Variants in CCDC6 observed in about 807,000 individuals in gnomAD.
CCDC6 encodes the protein coiled-coil domain-containing protein 6.
CCDC6 carries 20 observed loss-of-function variants against 56.6 expected under a neutral mutation model. The observed-to-expected ratio is 0.35, with a 90% CI of 0.25 to 0.51. CCDC6 has a LOEUF of 0.51. CCDC6 is among the 20% of genes least tolerant of loss of function. The pLI is 0.95. For synonymous variants in CCDC6, 241 were observed against 234.4 expected (o/e 1.03, Z -0.26); for missense variants, 367 against 601.1 (o/e 0.61, Z 4.07).
At chr10:59,817,892 C>T (rs996134670) in intron 3 of CCDC6, among the ~76,000 whole-genome samples, 1 of 152,112 alleles carries the variant, frequency 6.6e-6, no homozygotes, top group Non-Finnish European at 1.5e-5. Context: ...TGTCTTCAGT[C>T]GGGGCTAGTT....
chr10:59,820,152 G>T (rs927457966), intron 3 of CCDC6, among the ~76,000 whole-genome samples: 5 of 152,238 alleles, frequency 3.3e-5, no homozygotes, highest in African/African-American at 1.2e-4. Flanking sequence ...CAGAAAGGGA[G>T]TGGGCCAGCC....
chr10:59,878,722 C>T (rs1361387781), intron 1 of CCDC6, among the ~76,000 whole-genome samples: 1 of 152,140 alleles, frequency 6.6e-6, no homozygotes, highest in East Asian at 1.9e-4. Context: ...TTCAGCTTGC[C>T]AAAGTATCAA....
Position 59,792,663 on chromosome 10 carries a change from G to A in CCDC6, c.*254C>T, listed in dbSNP as rs754796850. 8.1e-6 allele frequency: 6 copies of A among 737,256 alleles called. No individual in the cohort carries two copies. The highest frequency in any genetic ancestry group is 1.5e-5 in the Non-Finnish European group (6 of 400,792). The allele number at this position is 737,256 out of a possible 1,614,324, so 45.7% of individuals were successfully genotyped here. A position where few individuals can be genotyped will look rare whatever the true frequency, so the allele number is the denominator to read the frequency against. On this transcript the variant is annotated 3_prime_UTR_variant, in exon 9 of 9. Coordinates refer to ENST00000263102, the MANE Select transcript of CCDC6 (RefSeq NM_005436.5). ...GAAATACCAAATACCAAACAGCGAAGGTTCCAGCCAGGGAATGGACGTACA... is the reference window on the plus strand; with the variant it reads ...GAAATACCAAATACCAAACAGCGAAAGTTCCAGCCAGGGAATGGACGTACA...
At chr10:59,870,754 G>A (rs141375202) in intron 1 of CCDC6, among the ~76,000 whole-genome samples, 1 of 152,180 alleles carries the variant, frequency 6.6e-6, no homozygotes, top group Non-Finnish European at 1.5e-5. Context: ...TTCACAGGCT[G>A]GAATCGAACT....
chr10:59,827,389 T>C (rs2070796822), intron 3 of CCDC6, among the ~76,000 whole-genome samples: 1 of 152,226 alleles, frequency 6.6e-6, no homozygotes, highest in Non-Finnish European at 1.5e-5. Flanking sequence ...GGTTACCATA[T>C]AAATGTATTT....
At position 59,829,057 on chromosome 10, in the gene CCDC6, G is replaced by C. The variant is rs564651112; in HGVS notation, c.582+3468C>G. On this transcript the variant is annotated intron_variant, in intron 3 of 8. Transcript: ENST00000263102. ...ATTCCAGATTCAAGGCCTATGAAAAGAATGAATGATATCTGACTAATTGAA... is the reference window on the plus strand; with the variant it reads ...ATTCCAGATTCAAGGCCTATGAAAACAATGAATGATATCTGACTAATTGAA... 5.3e-5 allele frequency among the ~76,000 whole-genome samples: 8 copies of C among 152,328 alleles called. No individual in the cohort carries two copies. The East Asian group carries it at 1.5e-3, about 29-fold the overall frequency.
chr10:59,887,413 A>G (rs908161502), intron 1 of CCDC6, among the ~76,000 whole-genome samples: 5 of 152,112 alleles, frequency 3.3e-5, no homozygotes, highest in Non-Finnish European at 7.4e-5. Flanking sequence ...TTTTGAGACA[A>G]AAGACTGAAA....
intron 3 of CCDC6, among the ~76,000 whole-genome samples, chr10:59,820,564 G>C (rs563548814): frequency 4.7e-4 from 72 of 152,232 alleles, no homozygotes; most frequent in African/African-American, 1.7e-3. Context: ...CTGGGAAACA[G>C]AGTGAGATCC....
At chr10:59,870,482 C>T (rs1229554343) in intron 1 of CCDC6, among the ~76,000 whole-genome samples, 3 of 152,140 alleles carry the variant, frequency 2.0e-5, no homozygotes, top group African/African-American at 7.2e-5. Context: ...TCCATCCTGT[C>T]ACCACTGTTG....
At chr10:59,809,444 C>T (rs569828112) in intron 5 of CCDC6, among the ~76,000 whole-genome samples, 24 of 152,158 alleles carry the variant, frequency 1.6e-4, no homozygotes, top group Non-Finnish European at 2.9e-4. Flanking sequence ...CCTGGCAGTT[C>T]AGCAATTGAC....
chr10:59,873,945 G>A (rs1416516253), intron 1 of CCDC6, among the ~76,000 whole-genome samples: 1 of 152,130 alleles, frequency 6.6e-6, no homozygotes, highest in Non-Finnish European at 1.5e-5. Flanking sequence ...TTCCTATGAT[G>A]TTGAGGCAGT....
intron 3 of CCDC6, among the ~76,000 whole-genome samples, chr10:59,831,880 T>G (rs2070837996): frequency 6.6e-6 from 1 of 152,218 alleles, no homozygotes; most frequent in Non-Finnish European, 1.5e-5. Flanking sequence ...ACAAAGGGAT[T>G]GCGTGCTATT....
chr10:59,794,011 C>A (rs2070491417), intron 8 of CCDC6, among the ~76,000 whole-genome samples: 2 of 152,090 alleles, frequency 1.3e-5, no homozygotes, highest in African/African-American at 4.8e-5. Context: ...AGAAAAAACT[C>A]CCTTGGGTAG....
chr10:59,806,425 G>A (rs936207189), intron 6 of CCDC6: 1 of 152,240 alleles, frequency 6.6e-6, no homozygotes, highest in African/African-American at 2.4e-5. Flanking sequence ...TTTTTTTTAA[G>A]TGGCTACAAA....
rs759748354 is a variant in CCDC6 at position 59,906,416 on chromosome 10, G to A, written c.9C>T (p.Asp3=). MA[D]SASESDTDGA... ...CGTCCGTGTCGCTCTCGCTGGCGCT[G>A]TCCGCCATGGCCGCGGCGGGCTGGG... The change falls in exon 1 of 9, where the codon GAC becomes GAT. Residue 3 remains aspartate (D), a synonymous_variant. Transcript: ENST00000263102. The A allele has an allele frequency of 1.3e-6, 2 of 1,539,038 alleles. No individual in the cohort carries two copies. The highest frequency in any genetic ancestry group is 1.2e-5 in the South Asian group (1 of 81,754).
intron 7 of CCDC6, among the ~76,000 whole-genome samples, chr10:59,801,638 C>A (rs1016503658): frequency 6.6e-6 from 1 of 152,102 alleles, no homozygotes; most frequent in African/African-American, 2.4e-5. Flanking sequence ...GGAATATCTA[C>A]GTATATTATC....
intron 1 of CCDC6, among the ~76,000 whole-genome samples, chr10:59,868,412 T>C (rs1458291827): frequency 6.6e-6 from 1 of 152,192 alleles, no homozygotes; most frequent in Non-Finnish European, 1.5e-5. Flanking sequence ...GCCATGCAGA[T>C]ACGTTGTCCA....
At chr10:59,794,365 A>C in intron 8 of CCDC6, 108 bp downstream of exon 8, 2 of 1,044,906 alleles carry the variant, frequency 1.9e-6, no homozygotes, top group East Asian at 4.9e-5. Context: ...CGGATGGAGG[A>C]GGCAGGAAGA....
At chr10:59,831,766 A>T (rs1564744029) in intron 3 of CCDC6, among the ~76,000 whole-genome samples, 1 of 152,214 alleles carries the variant, frequency 6.6e-6, no homozygotes, top group African/African-American at 2.4e-5. Flanking sequence ...CCCTGAATGG[A>T]GTGACAACAG....
Sources: allele counts gnomAD v4.1 joint callset (sites outside exome capture counted in the v4.1 genomes callset), GRCh38; gene constraint gnomAD v4.1.1; transcripts MANE v1.5; gene names NCBI Gene and HGNC (gene_info 2026-07-23, HGNC 2026-07-21).